UBE2G1: variants seen among roughly 807,000 people sequenced by gnomAD.
UBE2G1 encodes ubiquitin-conjugating enzyme E2 G1.
Under a neutral mutation model 22.7 loss-of-function variants are expected in UBE2G1, and 5 were observed. The observed-to-expected ratio is 0.22, with a 90% CI of 0.12 to 0.46. The LOEUF (loss-of-function observed/expected upper bound fraction) is 0.46. Ranked by LOEUF, UBE2G1 falls within the 20% of genes least tolerant of loss-of-function variation. UBE2G1 has a pLI of 0.99. For missense variants in UBE2G1, 88 were observed against 203.9 expected (o/e 0.43, Z 3.46); for synonymous variants, 74 against 67.5 (o/e 1.10, Z -0.47).
At chr17:4,278,860 T>C (rs1347620295) in intron 5 of UBE2G1, among the ~76,000 whole-genome samples, 1 of 152,178 alleles carries the variant, frequency 6.6e-6, no homozygotes, top group East Asian at 1.9e-4. Context: ...ATATCAAACA[T>C]GAAAACAGGA....
At chr17:4,315,574 A>T (rs1598191240) in intron 1 of UBE2G1, among the ~76,000 whole-genome samples, 1 of 151,434 alleles carries the variant, frequency 6.6e-6, no homozygotes, top group Non-Finnish European at 1.5e-5. Flanking sequence ...CCCCGTCTCT[A>T]CCAAAAATAC....
intron 3 of UBE2G1, among the ~76,000 whole-genome samples, chr17:4,292,815 T>C (rs141653491): frequency 2.5e-4 from 38 of 152,332 alleles, no homozygotes; most frequent in African/African-American, 8.7e-4. Flanking sequence ...TTATCTATCA[T>C]CCTGATACAG....
intron 1 of UBE2G1, among the ~76,000 whole-genome samples, chr17:4,330,939 T>C (rs1016487454): frequency 3.6e-5 from 5 of 139,454 alleles, no homozygotes; most frequent in Admixed American, 7.1e-5. Flanking sequence ...CCATAAAAAA[T>C]TAAAAGGCAA....
At chr17:4,307,468 A>T (rs1026899690) in intron 1 of UBE2G1, among the ~76,000 whole-genome samples, 2 of 152,208 alleles carry the variant, frequency 1.3e-5, no homozygotes, top group Non-Finnish European at 2.9e-5. Flanking sequence ...CTGGAAATCA[A>T]ATCATGTTGG....
chr17:4,283,982 C>T (rs1167686219), intron 4 of UBE2G1, among the ~76,000 whole-genome samples: 2 of 151,708 alleles, frequency 1.3e-5, no homozygotes, highest in Admixed American at 6.6e-5. Flanking sequence ...ATGATGAAAC[C>T]CCATCTCAAC....
At position 4,285,124 on chromosome 17, in the gene UBE2G1, G is replaced by A. The variant is rs996111459; in HGVS notation, c.427-2203C>T. 3.3e-5 allele frequency among the ~76,000 whole-genome samples: 5 copies of A among 151,990 alleles called. No homozygotes were observed. The East Asian group carries it at 7.7e-4, about 23-fold the overall frequency. On this transcript the variant is annotated intron_variant, in intron 4 of 5. Coordinates refer to ENST00000396981, the MANE Select transcript of UBE2G1 (RefSeq NM_003342.5). ...CTCCCAAAGTGCTGGGATTACAGGC[G>A]TAAGCCACCATGCCCAGCCTCAAAA...
In UBE2G1 at chr17:4,272,137, AAC is replaced by A. The variant is rs1968767864; in HGVS notation, c.*415_*416del. On this transcript the variant is annotated 3_prime_UTR_variant, in exon 6 of 6. Transcript: ENST00000396981. ...TGACATGCTTAAAGGAATCCTTTTA[AAC>A]TGATAAGAAACAATGAATAGGAAAG... is the stretch of plus-strand genomic sequence containing the variant. 6.6e-6 allele frequency: 1 copy of A among 152,646 alleles called. No homozygotes were observed. Among genetic ancestry groups the A allele is most frequent in the Non-Finnish European group, 1.5e-5 (1 of 68,036 alleles). The allele number at this position is 152,646 out of a possible 1,614,324, so 9.5% of individuals were successfully genotyped here. A position where few individuals can be genotyped will look rare whatever the true frequency, so the allele number is the denominator to read the frequency against.
intron 1 of UBE2G1, among the ~76,000 whole-genome samples, chr17:4,344,520 A>T (rs2143803964): frequency 1.3e-5 from 2 of 151,800 alleles, no homozygotes; most frequent in Middle Eastern, 3.4e-3. Flanking sequence ...AGCCTGGACG[A>T]CAAGAGTGAA....
chr17:4,301,564 A>G (rs1969180370), intron 2 of UBE2G1: 2 of 1,334,598 alleles, frequency 1.5e-6, no homozygotes, highest in African/African-American at 1.4e-5. Context: ...TCTTGGCCCA[A>G]TGTAGTTTTG....
intron 3 of UBE2G1, among the ~76,000 whole-genome samples, chr17:4,290,715 T>A (rs969337303): frequency 6.7e-6 from 1 of 149,414 alleles, no homozygotes; most frequent in African/African-American, 2.5e-5. Flanking sequence ...TCCTGGGCTC[T>A]AGTGATCCTC....
intron 5 of UBE2G1, among the ~76,000 whole-genome samples, chr17:4,277,899 G>A (rs1003349900): frequency 6.6e-6 from 1 of 152,102 alleles, no homozygotes; most frequent in African/African-American, 2.4e-5. Context: ...CGGCCTTGGG[G>A]AAACAGGTAT....
intron 5 of UBE2G1, 24 bp from the exon 6 acceptor site, chr17:4,272,540 T>C: frequency 5.4e-6 from 1 of 186,780 alleles, no homozygotes; most frequent in Admixed American, 4.2e-5. Flanking sequence ...AACAACATTA[T>C]ATAGTCAATT....
intron 5 of UBE2G1, among the ~76,000 whole-genome samples, chr17:4,273,836 G>A (rs1968789069): frequency 6.6e-6 from 1 of 152,082 alleles, no homozygotes; most frequent in Non-Finnish European, 1.5e-5. Flanking sequence ...ACAATTTTGG[G>A]CAAAAGAAAC....
At chr17:4,313,285 A>G (rs1190050475) in intron 1 of UBE2G1, among the ~76,000 whole-genome samples, 1 of 152,272 alleles carries the variant, frequency 6.6e-6, no homozygotes, top group Non-Finnish European at 1.5e-5. Flanking sequence ...TACAGCAATA[A>G]AGTCTAAATA....
chr17:4,331,612 A>C (rs1416763761), intron 1 of UBE2G1, among the ~76,000 whole-genome samples: 3 of 152,172 alleles, frequency 2.0e-5, no homozygotes, highest in Non-Finnish European at 4.4e-5. Context: ...TTCCCTCCTA[A>C]GAAGTTAAAT....
intron 1 of UBE2G1, among the ~76,000 whole-genome samples, chr17:4,333,537 G>A (rs985623551): frequency 3.3e-5 from 5 of 151,938 alleles, no homozygotes; most frequent in African/African-American, 1.2e-4. Flanking sequence ...TTAGCTGGGC[G>A]CTGGCCAGGT....
intron 5 of UBE2G1, among the ~76,000 whole-genome samples, chr17:4,274,017 G>T (rs1968791206): frequency 6.6e-6 from 1 of 151,616 alleles, no homozygotes. Flanking sequence ...ACGGAGTCTT[G>T]CTCTGTCACC....
chr17:4,363,943 T>C (rs1597270597), intron 1 of UBE2G1, among the ~76,000 whole-genome samples: 1 of 72,184 alleles, frequency 1.4e-5, no homozygotes, highest in African/African-American at 6.6e-5. Flanking sequence ...AGAGTAAGAC[T>C]CCGTCTCAAA....
intron 1 of UBE2G1, chr17:4,345,494 A>G (rs1598202041): frequency 6.6e-6 from 1 of 152,220 alleles, no homozygotes; most frequent in Non-Finnish European, 1.5e-5. Context: ...TTCCCTATAC[A>G]TAACTTTCAT....
Sources: gnomAD v4.1 joint callset for allele counts (sites outside exome capture counted in the v4.1 genomes callset) on GRCh38, gnomAD v4.1.1 for gene constraint, MANE v1.5 for transcripts, NCBI Gene and HGNC (gene_info 2026-07-23, HGNC 2026-07-21) for gene names.